Variants in USP29 observed in about 807,000 individuals in gnomAD.
USP29 encodes ubiquitin specific peptidase 29, also known as ubiquitin carboxyl-terminal hydrolase 29.
For missense variants in USP29, 1,102 were observed against 1,069.0 expected (o/e 1.03, Z -0.43); for synonymous variants, 386 against 387.4 (o/e 1.00, Z 0.04).
chr19:57,130,399 GC>G lies in USP29; in HGVS notation c.1727del (p.Pro576HisfsTer2). On this transcript the variant is annotated frameshift_variant, in exon 4 of 4. Coordinates refer to ENST00000254181, the MANE Select transcript of USP29 (RefSeq NM_020903.3). LOFTEE classifies it low-confidence loss of function (END_TRUNC). ...CAGGAGATGATTTCTGAGATCAACA[GC>G]CCATTGACACCATCAATGAAGCTGA... The part of the protein sequence containing the change: ...VSQEMISEIN[S>X]PLTPSMKLTS... 1 of 1,614,196 alleles carries G rather than the reference GC, an allele frequency of 6.2e-7. No homozygotes were observed. The highest frequency in any genetic ancestry group is 8.5e-7 in the Non-Finnish European group (1 of 1,180,028).
At position 57,130,703 on chromosome 19, in the gene USP29, G is replaced by C. The variant is rs1001220970; in HGVS notation, c.2028G>C (p.Arg676Ser). 6.2e-7 allele frequency: 1 copy of C among 1,614,170 alleles called. No individual in the cohort carries two copies. Among genetic ancestry groups the C allele is most frequent in the Non-Finnish European group, 8.5e-7 (1 of 1,180,048 alleles). ...GGKLISSPDT[R>S]LVEVHLQEVP... ...AGCTGATCAGCAGCCCAGACACAAG[G>C]CTTGTCGAGGTTCATCTTCAAGAGG... The change falls in exon 4 of 4, where the codon AGG (arginine) becomes AGC (serine). Residue 676 changes from arginine (R) to serine (S), a missense_variant. Arg to Ser is a moderately radical substitution (Grantham distance 110). Transcript: ENST00000254181.
In USP29 at chr19:57,129,364, C is replaced by T. The variant is rs1274102421; in HGVS notation, c.689C>T (p.Thr230Ile). 9 of 1,614,138 alleles carry T rather than the reference C, an allele frequency of 5.6e-6. No homozygotes were observed. Among genetic ancestry groups the T allele is most frequent in the Non-Finnish European group, 6.8e-6 (8 of 1,180,022 alleles). Residue 230 changes from threonine (T) to isoleucine (I), a missense_variant, in exon 4 of 4, where the codon ACC (threonine) becomes ATC (isoleucine). Physicochemically the swap from Thr to Ile is moderately conservative, Grantham distance 89 (BLOSUM62 -1). Transcript: ENST00000254181. ...RDLKLGPSFN[T>I]NCNGNPNLDE... ...TTGAAACTCGGGCCTTCATTCAATA[C>T]CAACTGTAATGGAAATCCTAACCTA...
At chr19:57,127,886 G>T (rs914983692) in intron 3 of USP29, among the ~76,000 whole-genome samples, 6 of 152,186 alleles carry the variant, frequency 3.9e-5, no homozygotes, top group African/African-American at 1.2e-4. Context: ...CTAGTTTTGT[G>T]CTTGAAACCC....
intron 3 of USP29, among the ~76,000 whole-genome samples, chr19:57,124,902 T>C (rs1326868003): frequency 6.6e-6 from 1 of 152,222 alleles, no homozygotes; most frequent in Non-Finnish European, 1.5e-5. Context: ...ACAATAAACC[T>C]GTAATAAAAG....
Position 57,129,555 on chromosome 19 carries a change from T to C in USP29, c.880T>C (p.Cys294Arg), listed in dbSNP as rs2086843440. ...QQGFPNLGNTCYMNAVLQSLF... is the reference protein window; with the variant it reads ...QQGFPNLGNTRYMNAVLQSLF... ...GGGGTTCCCCAATTTGGGAAACACC[T>C]GTTACATGAATGCAGTTTTACAATC... is the stretch of plus-strand genomic sequence containing the variant. The change falls in exon 4 of 4, where the codon TGT becomes CGT. Residue 294 changes from cysteine (C) to arginine (R), a missense_variant. Cys to Arg is a radical substitution (Grantham distance 180). Transcript: ENST00000254181. The C allele has an allele frequency of 1.2e-6, 2 of 1,614,118 alleles. No individual in the cohort carries two copies. The highest frequency in any genetic ancestry group is 2.2e-5 in the South Asian group (2 of 91,086).
intron 2 of USP29, 144 bp downstream of exon 2, chr19:57,122,618 G>T (rs1338402159): frequency 6.6e-6 from 1 of 151,684 alleles, no homozygotes; most frequent in Non-Finnish European, 1.5e-5. Flanking sequence ...GATATTGTCA[G>T]ATATTGTGAT....
intron 3 of USP29, among the ~76,000 whole-genome samples, chr19:57,126,588 G>A (rs1038211150): frequency 6.6e-6 from 1 of 151,814 alleles, no homozygotes; most frequent in Non-Finnish European, 1.5e-5. Context: ...AAGTTCTCAT[G>A]CTGTGTTTTT....
At chr19:57,120,951 C>T (rs1568453750) in intron 1 of USP29, among the ~76,000 whole-genome samples, 1 of 151,100 alleles carries the variant, frequency 6.6e-6, no homozygotes, top group African/African-American at 2.4e-5. Flanking sequence ...AAAAATTAGC[C>T]AGGCGTGGTG....
Position 57,129,460 on chromosome 19 carries a change from A to G in USP29, c.785A>G (p.His262Arg). The change falls in exon 4 of 4, where the codon CAC (histidine) becomes CGC (arginine). Residue 262 changes from histidine (H) to arginine (R), a missense_variant. Physicochemically the swap from His to Arg is conservative, Grantham distance 29. Coordinates refer to ENST00000254181, the MANE Select transcript of USP29 (RefSeq NM_020903.3). ...NGLTSPLEPEHSQGDPRCNKA... is the reference protein window; with the variant it reads ...NGLTSPLEPERSQGDPRCNKA... The stretch of plus-strand genomic sequence containing the variant: ...TTGACATCTCCATTGGAACCAGAGC[A>G]CAGCCAGGGTGACCCAAGATGCAAC... 6.2e-7 allele frequency: 1 copy of G among 1,614,258 alleles called. No individual in the cohort carries two copies. The highest frequency in any genetic ancestry group is 8.5e-7 in the Non-Finnish European group (1 of 1,180,046).
intron 1 of USP29, among the ~76,000 whole-genome samples, chr19:57,121,641 T>A (rs1211051577): frequency 6.8e-6 from 1 of 147,142 alleles, no homozygotes; most frequent in Admixed American, 6.9e-5. Context: ...TATGCTTATA[T>A]GTTATATATA....
chr19:57,123,609 A>G (rs546292820), intron 2 of USP29, among the ~76,000 whole-genome samples: 1 of 152,236 alleles, frequency 6.6e-6, no homozygotes, highest in South Asian at 2.1e-4. Flanking sequence ...ATCTCGATGC[A>G]TCCTCTCTGT....
At position 57,129,578 on chromosome 19, in the gene USP29, A is replaced by G; in HGVS notation, c.903A>G (p.Gln301=). 1.2e-6 allele frequency: 2 copies of G among 1,614,170 alleles called. No individual in the cohort carries two copies. The highest frequency in any genetic ancestry group is 1.7e-6 in the Non-Finnish European group (2 of 1,180,032). Residue 301 remains glutamine, a synonymous_variant, in exon 4 of 4, where the codon CAA becomes CAG. Transcript: ENST00000254181. Reference sequence around the variant, plus strand: ...CCTGTTACATGAATGCAGTTTTACAATCGCTATTTGCAATTCCATCTTTTG... The same window carrying G: ...CCTGTTACATGAATGCAGTTTTACAGTCGCTATTTGCAATTCCATCTTTTG... ...GNTCYMNAVL[Q]SLFAIPSFAD... is the part of the protein sequence containing the mutation.
Position 57,131,507 on chromosome 19 carries a change from G to A in USP29, c.*63G>A. ...ATCCTGTACTTCATCCTTGCAAAGA[G>A]AATCCTGTACTTCACTCAGAATGAA... On this transcript the variant is annotated 3_prime_UTR_variant, in exon 4 of 4. Transcript: ENST00000254181. 2.0e-6 allele frequency: 3 copies of A among 1,522,448 alleles called. No homozygotes were observed. The highest frequency in any genetic ancestry group is 2.6e-6 in the Non-Finnish European group (3 of 1,138,592). 94.3% of individuals were successfully genotyped at this position (1,522,448 alleles called of 1,614,324 possible). A position where few individuals can be genotyped will look rare whatever the true frequency, so the allele number is the denominator to read the frequency against.
At chr19:57,122,729 G>A (rs1319308784) in intron 2 of USP29, among the ~76,000 whole-genome samples, 1 of 151,978 alleles carries the variant, frequency 6.6e-6, no homozygotes, top group African/African-American at 2.4e-5. Context: ...TGTTTTCTGT[G>A]GCATTGGATA....
In USP29 at chr19:57,130,854, T is replaced by A. The variant is rs1339280974; in HGVS notation, c.2179T>A (p.Ser727Thr). 6.2e-7 allele frequency: 1 copy of A among 1,614,122 alleles called. No individual in the cohort carries two copies. Among genetic ancestry groups the A allele is most frequent in the African/African-American group, 1.3e-5 (1 of 75,010 alleles). ...DCKENRIPEGSQGMAEQLQQC... is the reference protein window; with the variant it reads ...DCKENRIPEGTQGMAEQLQQC... ...TAAAGAAAACAGGATTCCAGAAGGATCTCAAGGAATGGCTGAACAGCTCCA... is the reference window on the plus strand; with the variant it reads ...TAAAGAAAACAGGATTCCAGAAGGAACTCAAGGAATGGCTGAACAGCTCCA... The change falls in exon 4 of 4, where the codon TCT becomes ACT. Residue 727 changes from serine to threonine, a missense_variant. Physicochemically the swap from Ser to Thr is moderately conservative, Grantham distance 58. Coordinates refer to ENST00000254181, the MANE Select transcript of USP29 (RefSeq NM_020903.3).
In USP29 at chr19:57,131,334, AT is replaced by A. The variant is rs778553568; in HGVS notation, c.2664del (p.Phe888LeufsTer5). 4.0e-5 allele frequency: 64 copies of A among 1,614,132 alleles called. 1 individual carries two copies. In the South Asian group the frequency reaches 7.0e-4, roughly 18 times the overall value. ...GYIFFYMHNG[I>X]FEELLRKAEN... ...TATCTTCTTTTACATGCACAATGGG[AT>A]TTTTGAGGAGCTGTTAAGAAAAGCA... On this transcript the variant is annotated frameshift_variant, in exon 4 of 4. Transcript: ENST00000254181. LOFTEE classifies it low-confidence loss of function (END_TRUNC).
intron 3 of USP29, among the ~76,000 whole-genome samples, chr19:57,124,430 A>G (rs1484861314): frequency 6.8e-6 from 1 of 146,288 alleles, no homozygotes; most frequent in African/African-American, 2.5e-5. Flanking sequence ...ACAACTCGCC[A>G]TCTTACTCCT....
chr19:57,124,490 T>C (rs1436343356), intron 3 of USP29, among the ~76,000 whole-genome samples: 1 of 144,090 alleles, frequency 6.9e-6, no homozygotes, highest in Admixed American at 7.1e-5. Flanking sequence ...TTTTCTTTTT[T>C]GTTTTTTTTT....
intron 1 of USP29, among the ~76,000 whole-genome samples, chr19:57,121,388 TATACTTATATATGTTATAC>T (rs1301377166): frequency 6.9e-6 from 1 of 144,484 alleles, no homozygotes; most frequent in African/African-American, 2.5e-5. Flanking sequence ...ATATGTTATA[TATACTTATATATGTTATAC>T]ATACTTATAT....
Sources: allele counts gnomAD v4.1 joint callset (sites outside exome capture counted in the v4.1 genomes callset), GRCh38; gene constraint gnomAD v4.1.1; transcripts MANE v1.5; gene names NCBI Gene and HGNC (gene_info 2026-07-23, HGNC 2026-07-21).